The following LUC7L2 variants were observed in gnomAD, a reference collection of about 807,000 sequenced individuals.
LUC7L2 encodes the protein LUC7 like 2, pre-mRNA splicing factor.
In LUC7L2, 25 loss-of-function variants were observed where a neutral mutation model predicts 52.8. The observed-to-expected ratio is 0.47, with a 90% CI of 0.34 to 0.66. The LOEUF (loss-of-function observed/expected upper bound fraction) is 0.66, where lower values mean the gene tolerates loss of function less well. Among genes scored for constraint, LUC7L2 ranks in the 30% least tolerant of loss-of-function variants. LUC7L2 has a pLI of 0.01. For missense variants in LUC7L2, 328 were observed against 497.8 expected (o/e 0.66, Z 3.25); for synonymous variants, 144 against 160.9 (o/e 0.89, Z 0.80).
At chr7:139,386,312 C>A (rs1010252810) in intron 2 of LUC7L2, among the ~76,000 whole-genome samples, 1 of 151,002 alleles carries the variant, frequency 6.6e-6, no homozygotes. Context: ...TAAAAATATT[C>A]TTTATACAGG....
At position 139,422,392 on chromosome 7, in the gene LUC7L2, ATTG is replaced by A. The variant is rs1291853216; in HGVS notation, c.*55_*57del. On this transcript the variant is annotated 3_prime_UTR_variant, in exon 10 of 10. Transcript: ENST00000354926. Reference sequence around the variant, plus strand: ...TAAGCTTCCTACGGAGTTACGTACTATTGTTTAGTTCACAGCTGTTCAGGGTGA... The same window carrying A: ...TAAGCTTCCTACGGAGTTACGTACTATTTAGTTCACAGCTGTTCAGGGTGA... 7.1e-6 allele frequency: 11 copies of A among 1,557,652 alleles called. No homozygotes were observed. The South Asian group carries it at 1.2e-4, about 18-fold the overall frequency.
At chr7:139,360,603 G>T (rs1585072449) in intron 1 of LUC7L2, among the ~76,000 whole-genome samples, 1 of 152,144 alleles carries the variant, frequency 6.6e-6, no homozygotes, top group Admixed American at 6.5e-5. Flanking sequence ...GCTGAGACGG[G>T]AGAGCCCGCG....
intron 1 of LUC7L2, chr7:139,374,798 G>A: frequency 9.0e-6 from 10 of 1,111,230 alleles, no homozygotes; most frequent in Non-Finnish European, 1.1e-5. Flanking sequence ...AAAAATGATA[G>A]TGTTTAGTTG....
chr7:139,408,050 C>G (rs980222238), intron 6 of LUC7L2, among the ~76,000 whole-genome samples: 23 of 152,220 alleles, frequency 1.5e-4, no homozygotes, highest in African/African-American at 5.5e-4. Flanking sequence ...GAATTGAGGT[C>G]TGGCTGACAG....
chr7:139,385,218 C>T (rs891963928), intron 2 of LUC7L2, among the ~76,000 whole-genome samples: 3 of 151,728 alleles, frequency 2.0e-5, no homozygotes, highest in African/African-American at 7.3e-5. Flanking sequence ...TTACACACAG[C>T]CTACTGTATT....
At chr7:139,353,717 C>T (rs960137872) in intron 1 of LUC7L2, among the ~76,000 whole-genome samples, 14 of 151,660 alleles carry the variant, frequency 9.2e-5, no homozygotes, top group African/African-American at 3.1e-4. Flanking sequence ...CACTTGAATC[C>T]GGGAGGTGGA....
chr7:139,409,310 AAAC>A (rs1795252181), intron 6 of LUC7L2, among the ~76,000 whole-genome samples: 1 of 151,676 alleles, frequency 6.6e-6, no homozygotes, highest in African/African-American at 2.4e-5. Flanking sequence ...TTAAAAAAAA[AAAC>A]AAAAAAAAAA....
intron 8 of LUC7L2, 67 bp downstream of exon 8, chr7:139,412,647 T>C (rs1409182726): frequency 9.1e-6 from 14 of 1,531,364 alleles, no homozygotes; most frequent in Non-Finnish European, 1.1e-5. Context: ...TTTTTATAGA[T>C]TGATTAAATG....
At chr7:139,400,584 C>G (rs1302868016) in intron 3 of LUC7L2, among the ~76,000 whole-genome samples, 1 of 152,096 alleles carries the variant, frequency 6.6e-6, no homozygotes, top group Non-Finnish European at 1.5e-5. Context: ...AGAGTTCTCT[C>G]CTGTGGTTTC....
At chr7:139,413,454 C>G (rs1795456170) in intron 8 of LUC7L2, among the ~76,000 whole-genome samples, 1 of 152,080 alleles carries the variant, frequency 6.6e-6, no homozygotes, top group Non-Finnish European at 1.5e-5. Context: ...AGAAGTTTTC[C>G]CTAAAAAGTA....
chr7:139,376,319 T>C lies in LUC7L2; in HGVS notation c.156+163T>C, dbSNP rs1365772637. On this transcript the variant is annotated intron_variant, in intron 2 of 9. Coordinates refer to ENST00000354926, the MANE Select transcript of LUC7L2 (RefSeq NM_016019.5). The stretch of plus-strand genomic sequence containing the variant: ...GATTACTTAAATCTTCAGTAATGGG[T>C]TTCCTCACAAAAGTGGTTGATACGT... Among the ~76,000 whole-genome samples, 3 of 152,126 alleles carry C rather than the reference T, an allele frequency of 2.0e-5. No homozygotes were observed. In the East Asian group the frequency reaches 5.8e-4, roughly 29 times the overall value.
At chr7:139,362,388 C>CT (rs1191673112) in intron 1 of LUC7L2, among the ~76,000 whole-genome samples, 1 of 151,244 alleles carries the variant, frequency 6.6e-6, no homozygotes, top group African/African-American at 2.4e-5. Flanking sequence ...TAGGATTGTT[C>CT]TTTTTTAGCA....
intron 1 of LUC7L2, among the ~76,000 whole-genome samples, chr7:139,348,003 A>G (rs1799324502): frequency 6.6e-6 from 1 of 152,068 alleles, no homozygotes; most frequent in South Asian, 2.1e-4. Context: ...CCCAGCTGAC[A>G]TATGTTTATT....
chr7:139,401,447 C>T (rs1316166876), intron 3 of LUC7L2, among the ~76,000 whole-genome samples: 1 of 151,826 alleles, frequency 6.6e-6, no homozygotes, highest in Non-Finnish European at 1.5e-5. Context: ...CTGAACATTT[C>T]TTCATGTCCT....
chr7:139,383,282 A>AT (rs562333961), intron 2 of LUC7L2, among the ~76,000 whole-genome samples: 10 of 150,672 alleles, frequency 6.6e-5, no homozygotes, highest in East Asian at 3.9e-4. Context: ...CACCTGGCTA[A>AT]TTTTTTTTGT....
At chr7:139,413,463 T>TA (rs1288180479) in intron 8 of LUC7L2, among the ~76,000 whole-genome samples, 23 of 152,256 alleles carry the variant, frequency 1.5e-4, no homozygotes, top group African/African-American at 4.3e-4. Context: ...CCCTAAAAAG[T>TA]AGAGAATTTG....
chr7:139,418,189 T>TA (rs1281020142), intron 9 of LUC7L2, among the ~76,000 whole-genome samples: 1 of 150,726 alleles, frequency 6.6e-6, no homozygotes, highest in Non-Finnish European at 1.5e-5. Flanking sequence ...GCACTATAGA[T>TA]ATGTATTGTT....
At chr7:139,350,283 G>A (rs905220823) in intron 1 of LUC7L2, among the ~76,000 whole-genome samples, 9 of 151,968 alleles carry the variant, frequency 5.9e-5, no homozygotes, top group East Asian at 3.9e-4. Context: ...CACCACGCCC[G>A]GCTAATTTTT....
intron 3 of LUC7L2, among the ~76,000 whole-genome samples, chr7:139,401,057 G>A (rs775684562): frequency 5.3e-5 from 8 of 152,110 alleles, no homozygotes; most frequent in Admixed American, 2.0e-4. Context: ...AATTCTTAAA[G>A]TTTACTTTTA....
Sources: allele counts gnomAD v4.1 joint callset (sites outside exome capture counted in the v4.1 genomes callset), GRCh38; gene constraint gnomAD v4.1.1; transcripts MANE v1.5; gene names NCBI Gene and HGNC (gene_info 2026-07-23, HGNC 2026-07-21).